PHACTR4: variants seen among roughly 807,000 people sequenced by gnomAD.
PHACTR4 encodes the protein protein phosphatase 1, regulatory subunit 124.
A neutral mutation model predicts 72.7 loss-of-function variants in PHACTR4; 51 were observed. The observed-to-expected ratio is 0.70, with a 90% CI of 0.56 to 0.89. The LOEUF (loss-of-function observed/expected upper bound fraction) is 0.89, where lower values mean the gene tolerates loss of function less well. PHACTR4 is among the 40% of genes least tolerant of loss of function. The pLI is 0.00. For synonymous variants in PHACTR4, 255 were observed against 302.5 expected (o/e 0.84, Z 1.63); for missense variants, 731 against 861.8 (o/e 0.85, Z 1.90).
intron 8 of PHACTR4, among the ~76,000 whole-genome samples, chr1:28,478,552 C>T (rs553324379): frequency 8.3e-4 from 127 of 152,290 alleles, no homozygotes; most frequent in African/African-American, 2.9e-3. Flanking sequence ...CTGCCTCAGC[C>T]TCCCAAGTAG....
Position 28,391,667 on chromosome 1 carries a change from A to G in PHACTR4, c.-38-15743A>G, listed in dbSNP as rs1414600788. Among the ~76,000 whole-genome samples, 3 of 136,360 alleles carry G rather than the reference A, an allele frequency of 2.2e-5. No homozygotes were observed. The Admixed American group carries it at 2.5e-4, about 11-fold the overall frequency. 89.5% of individuals were successfully genotyped at this position (136,360 alleles called of 152,430 possible). On this transcript the variant is annotated intron_variant, in intron 1 of 13. Transcript: ENST00000373839. ...TTTGGCCAGGGTGGAGTGCAATGGC[A>G]TGATCTTGGCTCACTGCAACCTCTG...
intron 2 of PHACTR4, among the ~76,000 whole-genome samples, chr1:28,447,516 A>C (rs944866221): frequency 3.3e-5 from 5 of 151,570 alleles, no homozygotes; most frequent in African/African-American, 1.2e-4. Flanking sequence ...CAGCCTCCCA[A>C]GTAGCTGGCA....
At position 28,473,613 on chromosome 1, in the gene PHACTR4, C is replaced by G; in HGVS notation, c.883C>G (p.Pro295Ala). 6 of 1,614,052 alleles carry G rather than the reference C, an allele frequency of 3.7e-6. No homozygotes were observed. The highest frequency in any genetic ancestry group is 5.1e-6 in the Non-Finnish European group (6 of 1,179,970). The change falls in exon 7 of 14, where the codon CCA becomes GCA. Residue 295 changes from proline (P) to alanine (A), a missense_variant. Physicochemically the swap from Pro to Ala is conservative, Grantham distance 27. This residue lies in a region of PHACTR4 where 621 missense variants were observed against 676.6 expected (regional missense o/e 0.92). Transcript: ENST00000373839. ...GTTATCAAAACCGTCCCCACCCTTA[C>G]CACCTAAGAGAGGCATTCCATCAAC... ...TLLSKPSPPL[P>A]PKRGIPSTSV...
At chr1:28,476,817 C>G (rs1659957517) in intron 8 of PHACTR4, among the ~76,000 whole-genome samples, 1 of 123,516 alleles carries the variant, frequency 8.1e-6, no homozygotes, top group Admixed American at 8.5e-5. Flanking sequence ...GTTGCCCAGG[C>G]TGGAGTGCAA....
At chr1:28,398,220 C>T (rs1446987629) in intron 1 of PHACTR4, among the ~76,000 whole-genome samples, 1 of 152,054 alleles carries the variant, frequency 6.6e-6, no homozygotes, top group East Asian at 1.9e-4. Context: ...GCAACAGCAG[C>T]ATTAAATATC....
At chr1:28,385,570 G>C (rs936928529) in intron 1 of PHACTR4, among the ~76,000 whole-genome samples, 1 of 149,662 alleles carries the variant, frequency 6.7e-6, no homozygotes, top group Non-Finnish European at 1.5e-5. Flanking sequence ...AGTCATTCAG[G>C]AGCAGGTCAT....
At chr1:28,449,462 G>T (rs1379163171) in intron 2 of PHACTR4, among the ~76,000 whole-genome samples, 1 of 152,052 alleles carries the variant, frequency 6.6e-6, no homozygotes, top group Non-Finnish European at 1.5e-5. Flanking sequence ...AGTTATGCAG[G>T]TATAATATGT....
In PHACTR4 at chr1:28,490,752, A is replaced by G. The variant is rs1279682138; in HGVS notation, c.1817-199A>G. Among the ~76,000 whole-genome samples, 6 of 151,884 alleles carry G rather than the reference A, an allele frequency of 4.0e-5. No homozygotes were observed. In the East Asian group the frequency reaches 7.7e-4, roughly 20 times the overall value. ...CAGCTACTCGGGAGGCTGAGACAGG[A>G]GAATCGCTTGAACTCGGGAGGCCGA... is the stretch of plus-strand genomic sequence containing the variant. On this transcript the variant is annotated intron_variant, in intron 10 of 13. Transcript: ENST00000373839.
At chr1:28,433,462 C>CTT (rs567134987) in intron 2 of PHACTR4, among the ~76,000 whole-genome samples, 127 of 130,480 alleles carry the variant, frequency 9.7e-4, no homozygotes, top group Middle Eastern at 4.2e-3. Context: ...TTCTTTTTTT[C>CTT]TTTTTTTTTT....
chr1:28,438,472 G>T, intron 2 of PHACTR4: 1 of 1,605,852 alleles, frequency 6.2e-7, no homozygotes, highest in Middle Eastern at 1.7e-4. Context: ...CTTGACAGAA[G>T]CAAGGCAGAT....
intron 2 of PHACTR4, among the ~76,000 whole-genome samples, chr1:28,428,340 C>T (rs771513925): frequency 2.6e-5 from 4 of 152,190 alleles, no homozygotes; most frequent in Admixed American, 6.6e-5. Context: ...AATCCCTATC[C>T]AATATTAACT....
chr1:28,489,948 G>A (rs1660929531), intron 10 of PHACTR4: 14 of 511,164 alleles, frequency 2.7e-5, no homozygotes, highest in Non-Finnish European at 5.1e-5. Flanking sequence ...CCCTTATAAC[G>A]TATCACACAA....
intron 1 of PHACTR4, 150 bp from the exon 2 acceptor site, chr1:28,407,260 A>AC: frequency 2.4e-6 from 1 of 416,192 alleles, no homozygotes; most frequent in Non-Finnish European, 4.2e-6. Flanking sequence ...AAAAAAAAAA[A>AC]AAAACTATCA....
At chr1:28,488,692 T>C (rs1203402261) in intron 9 of PHACTR4, among the ~76,000 whole-genome samples, 2 of 152,224 alleles carry the variant, frequency 1.3e-5, no homozygotes, top group African/African-American at 4.8e-5. Context: ...GAAGAAGTTT[T>C]GTGAAAAAAA....
Position 28,493,076 on chromosome 1 carries a change from G to A in PHACTR4, c.2078G>A (p.Ser693Asn), listed in dbSNP as rs1335146669. ...KSSEMEVHEESKHFTRYHRP is the reference protein window; with the variant it reads ...KSSEMEVHEENKHFTRYHRP Reference sequence around the variant, plus strand: ...TCCGAGATGGAGGTTCATGAAGAGAGCAAACATTTTACACGGTAAGACCCA... The same window carrying A: ...TCCGAGATGGAGGTTCATGAAGAGAACAAACATTTTACACGGTAAGACCCA... The change falls in exon 13 of 14, where the codon AGC becomes AAC. Residue 693 changes from serine to asparagine, a missense_variant. Ser to Asn is a conservative substitution (Grantham distance 46, BLOSUM62 1). Coordinates refer to ENST00000373839, the MANE Select transcript of PHACTR4 (RefSeq NM_001048183.3). 1 of 1,612,872 alleles carries A rather than the reference G, an allele frequency of 6.2e-7. No individual in the cohort carries two copies. The highest frequency in any genetic ancestry group is 8.5e-7 in the Non-Finnish European group (1 of 1,178,904).
intron 9 of PHACTR4, chr1:28,481,401 C>T (rs1000338255): frequency 6.6e-6 from 1 of 152,134 alleles, no homozygotes; most frequent in Non-Finnish European, 1.5e-5. Flanking sequence ...CTCCACTTGA[C>T]AAGGATGGAA....
At chr1:28,439,579 A>C (rs1463553608) in intron 2 of PHACTR4, among the ~76,000 whole-genome samples, 1 of 152,244 alleles carries the variant, frequency 6.6e-6, no homozygotes, top group Non-Finnish European at 1.5e-5. Context: ...TGTCTTTATC[A>C]ATTCATTAAC....
intron 2 of PHACTR4, among the ~76,000 whole-genome samples, chr1:28,409,124 C>G (rs199888577): frequency 7.5e-6 from 1 of 133,094 alleles, no homozygotes; most frequent in Non-Finnish European, 1.6e-5. Context: ...TTCTTTCTTT[C>G]TTTTTTTTTT....
intron 2 of PHACTR4, among the ~76,000 whole-genome samples, chr1:28,423,041 C>T (rs551067636): frequency 1.3e-5 from 2 of 152,328 alleles, no homozygotes; most frequent in South Asian, 2.1e-4. Flanking sequence ...CGCCTGCCTC[C>T]ATCTCCCAAA....
Sources: allele counts gnomAD v4.1 joint callset (sites outside exome capture counted in the v4.1 genomes callset), GRCh38; gene constraint gnomAD v4.1.1; regional missense constraint gnomAD v4.1.1; transcripts MANE v1.5; gene names NCBI Gene and HGNC (gene_info 2026-07-23, HGNC 2026-07-21).